Variants in LARP1B observed in about 807,000 individuals in gnomAD.
LARP1B encodes La ribonucleoprotein 1B.
In LARP1B, 76 loss-of-function variants were observed where a neutral mutation model predicts 114.2. That is an observed-to-expected ratio of 0.67 (90% CI 0.55 to 0.81). The LOEUF (loss-of-function observed/expected upper bound fraction) is 0.81, where lower values mean the gene tolerates loss of function less well. Among genes scored for constraint, LARP1B ranks in the 30% least tolerant of loss-of-function variants. The pLI is 0.00. For synonymous variants in LARP1B, 345 were observed against 348.0 expected, an observed-to-expected ratio of 0.99 and a Z score of 0.10; for missense variants, 1,014 against 1,075.8, an observed-to-expected ratio of 0.94 and a Z score of 0.80.
chr4:128,154,890 C>T (rs1457822494), intron 11 of LARP1B, among the ~76,000 whole-genome samples: 2 of 152,090 alleles, frequency 1.3e-5, no homozygotes, highest in Non-Finnish European at 1.5e-5. Context: ...TCTCCTACCT[C>T]AGCCTCCTGA....
chr4:128,138,668 G>A (rs1210176221), intron 11 of LARP1B, among the ~76,000 whole-genome samples: 2 of 152,068 alleles, frequency 1.3e-5, no homozygotes, highest in East Asian at 3.9e-4. Context: ...GGTATAAAAA[G>A]GCTAAACAGC....
At chr4:128,121,320 A>G (rs1203444776) in intron 10 of LARP1B, among the ~76,000 whole-genome samples, 2 of 152,070 alleles carry the variant, frequency 1.3e-5, no homozygotes, top group Non-Finnish European at 2.9e-5. Context: ...CTATCTATCT[A>G]TCTATTTATT....
chr4:128,126,824 A>T (rs1554029575), intron 11 of LARP1B, among the ~76,000 whole-genome samples: 2 of 151,402 alleles, frequency 1.3e-5, no homozygotes, highest in Admixed American at 6.6e-5. Flanking sequence ...TTTTTTTTTA[A>T]AAAAAGGTAA....
intron 1 of LARP1B, among the ~76,000 whole-genome samples, chr4:128,068,694 T>C (rs1764027153): frequency 6.6e-6 from 1 of 152,138 alleles, no homozygotes; most frequent in South Asian, 2.1e-4. Flanking sequence ...ATTACAGGTG[T>C]GAGCCTGGCC....
chr4:128,102,845 A>T (rs984538502), intron 8 of LARP1B, among the ~76,000 whole-genome samples: 1 of 152,172 alleles, frequency 6.6e-6, no homozygotes, highest in African/African-American at 2.4e-5. Flanking sequence ...AGGAATAATT[A>T]ATATAATATC....
At chr4:128,112,344 T>TA (rs983606652) in intron 9 of LARP1B, among the ~76,000 whole-genome samples, 1 of 152,006 alleles carries the variant, frequency 6.6e-6, no homozygotes, top group Non-Finnish European at 1.5e-5. Context: ...TATTTTTTTT[T>TA]AGCGGGGTTG....
chr4:128,166,991 TATAC>T (rs1741299063), intron 12 of LARP1B, among the ~76,000 whole-genome samples: 2 of 138,396 alleles, frequency 1.4e-5, no homozygotes, highest in Non-Finnish European at 3.1e-5. Flanking sequence ...TATATATATA[TATAC>T]ACACACACAT....
At chr4:128,190,691 G>T (rs1331500089) in intron 15 of LARP1B, among the ~76,000 whole-genome samples, 2 of 152,096 alleles carry the variant, frequency 1.3e-5, no homozygotes, top group African/African-American at 2.4e-5. Flanking sequence ...CACCACGATT[G>T]TAAGTTTCCT....
intron 11 of LARP1B, among the ~76,000 whole-genome samples, chr4:128,148,088 T>G (rs1731120783): frequency 6.6e-6 from 1 of 152,194 alleles, no homozygotes; most frequent in African/African-American, 2.4e-5. Flanking sequence ...CTAATTCTCT[T>G]AAATCACCAG....
intron 9 of LARP1B, among the ~76,000 whole-genome samples, chr4:128,110,008 A>G (rs1283247698): frequency 6.6e-6 from 1 of 152,082 alleles, no homozygotes; most frequent in African/African-American, 2.4e-5. Flanking sequence ...GATTCAAGCA[A>G]TTCTCTTGCC....
At chr4:128,197,584 C>G (rs1288292751) in intron 15 of LARP1B, among the ~76,000 whole-genome samples, 4 of 152,042 alleles carry the variant, frequency 2.6e-5, no homozygotes, top group Non-Finnish European at 5.9e-5. Flanking sequence ...GTCCCAGCTA[C>G]TCAGGAGGCT....
chr4:128,204,656 A>C (rs995331126), intron 17 of LARP1B, among the ~76,000 whole-genome samples: 1 of 144,208 alleles, frequency 6.9e-6, no homozygotes, highest in African/African-American at 2.5e-5. Context: ...ACTCTGTCTC[A>C]AAAAAAAAAA....
intron 4 of LARP1B, among the ~76,000 whole-genome samples, chr4:128,080,172 C>T (rs1382042031): frequency 1.3e-5 from 2 of 151,428 alleles, no homozygotes; most frequent in East Asian, 1.9e-4. Context: ...TTAGTAGAGA[C>T]GGGTTTCTCC....
chr4:128,176,753 T>C, intron 12 of LARP1B, 119 bp from the exon 13 acceptor site: 3 of 874,526 alleles, frequency 3.4e-6, no homozygotes, highest in Non-Finnish European at 5.5e-6. Flanking sequence ...GCAATGAGAC[T>C]TACTCTTGGC....
At chr4:128,126,978 C>CAT (rs1264627144) in intron 11 of LARP1B, among the ~76,000 whole-genome samples, 1 of 151,262 alleles carries the variant, frequency 6.6e-6, no homozygotes, top group African/African-American at 2.4e-5. Flanking sequence ...GGAGAGGTGT[C>CAT]AGAGTTTAGC....
intron 11 of LARP1B, among the ~76,000 whole-genome samples, chr4:128,153,927 T>C (rs142464354): frequency 9.2e-5 from 14 of 152,316 alleles, no homozygotes; most frequent in African/African-American, 3.4e-4. Flanking sequence ...CATCCACTTA[T>C]CGTAACTTCT....
chr4:128,151,923 A>G (rs574235563), intron 11 of LARP1B, among the ~76,000 whole-genome samples: 2 of 152,188 alleles, frequency 1.3e-5, no homozygotes, highest in South Asian at 2.1e-4. Flanking sequence ...ATTTTTGACA[A>G]GAACATTACA....
At chr4:128,089,614 G>A (rs1429409866) in intron 5 of LARP1B, among the ~76,000 whole-genome samples, 1 of 152,106 alleles carries the variant, frequency 6.6e-6, no homozygotes, top group Non-Finnish European at 1.5e-5. Context: ...GGGATTACAG[G>A]TGTGAGCCAC....
At chr4:128,149,569 AAT>A (rs1178286454) in intron 11 of LARP1B, among the ~76,000 whole-genome samples, 7 of 152,238 alleles carry the variant, frequency 4.6e-5, no homozygotes, top group African/African-American at 9.6e-5. Context: ...ATCTGTTCAT[AAT>A]ACCTTGTGAA....
Sources: allele counts gnomAD v4.1 joint callset (sites outside exome capture counted in the v4.1 genomes callset), GRCh38; gene constraint gnomAD v4.1.1; transcripts MANE v1.5; gene names NCBI Gene and HGNC (gene_info 2026-07-23, HGNC 2026-07-21).